The following FBN2 variants were observed in gnomAD, a reference collection of about 807,000 sequenced individuals.
FBN2 encodes fibrillin 2, also known as fibrillin-2.
A neutral mutation model predicts 355.6 loss-of-function variants in FBN2; 105 were observed. The ratio of observed to expected loss-of-function variants is 0.30; its 90% confidence interval spans 0.25 to 0.35. The LOEUF (loss-of-function observed/expected upper bound fraction) is 0.35, where lower values mean the gene tolerates loss of function less well. Among genes scored for constraint, FBN2 ranks in the 10% least tolerant of loss-of-function variants. The probability of loss-of-function intolerance (pLI) is 1.00; values close to 1 mark genes in which losing one functional copy is unlikely to be tolerated. For missense variants in FBN2, 3,280 were observed against 3,758.7 expected (o/e 0.87, Z 3.33); for synonymous variants, 1,350 against 1,301.2 (o/e 1.04, Z -0.81).
chr5:128,426,127 A>G (rs138232334), intron 7 of FBN2, among the ~76,000 whole-genome samples: 62 of 152,248 alleles, frequency 4.1e-4, no homozygotes, highest in African/African-American at 1.3e-3. Context: ...GGCATTCTCT[A>G]TGCAAAACGA....
chr5:128,486,389 A>C (rs1018334853), intron 5 of FBN2, among the ~76,000 whole-genome samples: 7 of 152,314 alleles, frequency 4.6e-5, no homozygotes, highest in Admixed American at 3.3e-4. Flanking sequence ...TATTTCCAGC[A>C]TATTAGTCAC....
At chr5:128,342,483 C>T (rs1225571739) in intron 25 of FBN2, among the ~76,000 whole-genome samples, 1 of 151,966 alleles carries the variant, frequency 6.6e-6, no homozygotes, top group Non-Finnish European at 1.5e-5. Flanking sequence ...TGAGACTTAC[C>T]AGCAGGAAAA....
In FBN2 at chr5:128,278,704, G is replaced by T. The variant is rs1263307630; in HGVS notation, c.7276C>A (p.Pro2426Thr). The change falls in exon 57 of 65, where the codon CCA becomes ACA. Residue 2426 changes from proline to threonine, a missense_variant. By Grantham distance (38) the Pro-to-Thr change is conservative (BLOSUM62 -1). Coordinates refer to ENST00000262464, the MANE Select transcript of FBN2 (RefSeq NM_001999.4). ...RGWGHQCELCPLPGTAQYKKI... is the reference protein window; with the variant it reads ...RGWGHQCELCTLPGTAQYKKI... ...TTGTACTGGGCAGTTCCAGGAAGTG[G>T]GCAAAGCTCGCACTGGTGGCCCCAG... 6.8e-6 allele frequency: 11 copies of T among 1,614,094 alleles called. No homozygotes were observed. The South Asian group carries it at 1.2e-4, about 18-fold the overall frequency.
chr5:128,297,873 G>T (rs1412480341), intron 48 of FBN2, among the ~76,000 whole-genome samples: 1 of 151,474 alleles, frequency 6.6e-6, no homozygotes, highest in Admixed American at 6.6e-5. Context: ...ATTTGATCCT[G>T]TCATTATGAC....
At chr5:128,453,986 G>A (rs1754321129) in intron 6 of FBN2, among the ~76,000 whole-genome samples, 1 of 150,304 alleles carries the variant, frequency 6.7e-6, no homozygotes, top group Non-Finnish European at 1.5e-5. Flanking sequence ...CTCAGAAATG[G>A]CTTGCCCCCC....
intron 16 of FBN2, among the ~76,000 whole-genome samples, chr5:128,368,546 A>C (rs1751845388): frequency 6.7e-6 from 1 of 149,830 alleles, no homozygotes; most frequent in Non-Finnish European, 1.5e-5. Flanking sequence ...ATAACCTTGA[A>C]AGTGGTAAGT....
chr5:128,519,610 G>T (rs1756375584), intron 4 of FBN2, among the ~76,000 whole-genome samples: 1 of 151,804 alleles, frequency 6.6e-6, no homozygotes, highest in Non-Finnish European at 1.5e-5. Context: ...GCAAGTGTTT[G>T]GTAAAAGGTT....
chr5:128,537,707 C>T lies in FBN2; in HGVS notation c.-104G>A. On this transcript the variant is annotated 5_prime_UTR_variant, in exon 1 of 65. Coordinates refer to ENST00000262464, the MANE Select transcript of FBN2 (RefSeq NM_001999.4). ...AGTCAGGGTCTAATAAGCCCTTCGT[C>T]GGCTCCGGGGACTCCCTCGGGCTCG... 3 of 1,183,858 alleles carry T rather than the reference C, an allele frequency of 2.5e-6. No homozygotes were observed. Among genetic ancestry groups the T allele is most frequent in the Non-Finnish European group, 3.6e-6 (3 of 825,600 alleles). 73.3% of individuals were successfully genotyped at this position (1,183,858 alleles called of 1,614,324 possible).
chr5:128,486,840 C>T (rs1298755174), intron 5 of FBN2, among the ~76,000 whole-genome samples: 3 of 152,000 alleles, frequency 2.0e-5, no homozygotes, highest in African/African-American at 4.8e-5. Context: ...TTGTTTAATT[C>T]CCACCTATGA....
At chr5:128,321,327 G>A (rs1581214350) in intron 34 of FBN2, among the ~76,000 whole-genome samples, 1 of 152,126 alleles carries the variant, frequency 6.6e-6, no homozygotes, top group Non-Finnish European at 1.5e-5. Context: ...TAAGTTCTGG[G>A]ATACATGTAC....
At chr5:128,460,175 A>C (rs1275923959) in intron 6 of FBN2, among the ~76,000 whole-genome samples, 1 of 149,686 alleles carries the variant, frequency 6.7e-6, no homozygotes, top group African/African-American at 2.6e-5. Flanking sequence ...ATAATAGACA[A>C]ACAGAGAGTC....
rs528799542 is a variant in FBN2 at position 128,265,572 on chromosome 5, A to G, written c.7961-1916T>C. Among the ~76,000 whole-genome samples, 8 of 152,326 alleles carry G rather than the reference A, an allele frequency of 5.3e-5. No homozygotes were observed. In the South Asian group the frequency reaches 1.7e-3, roughly 32 times the overall value. On this transcript the variant is annotated intron_variant, in intron 62 of 64. Coordinates refer to ENST00000262464, the MANE Select transcript of FBN2 (RefSeq NM_001999.4). The stretch of plus-strand genomic sequence containing the variant: ...GCTACAGAAGCAACTGGAAGTTACT[A>G]AAACACAAAGTCTTCATATATGAAG...
intron 44 of FBN2, 88 bp from the exon 45 acceptor site, chr5:128,305,170 T>C (rs1749834040): frequency 1.8e-6 from 2 of 1,100,804 alleles, no homozygotes; most frequent in African/African-American, 1.6e-5. Context: ...TAATCTGCTA[T>C]TAATTATTAT....
chr5:128,288,646 T>C, intron 52 of FBN2, 89 bp from the exon 53 acceptor site: 2 of 1,470,268 alleles, frequency 1.4e-6, no homozygotes, highest in Non-Finnish European at 1.9e-6. Context: ...CCTCACCCAT[T>C]TCCAGGATCT....
At chr5:128,310,516 G>A (rs1456012288) in intron 39 of FBN2, among the ~76,000 whole-genome samples, 5 of 151,432 alleles carry the variant, frequency 3.3e-5, no homozygotes, top group African/African-American at 1.2e-4. Flanking sequence ...TAAAGTGAAT[G>A]CAGGTTGGGA....
intron 36 of FBN2, among the ~76,000 whole-genome samples, chr5:128,313,721 C>T (rs566639226): frequency 3.2e-4 from 49 of 151,824 alleles, no homozygotes; most frequent in African/African-American, 1.0e-3. Context: ...AGCATGGTGG[C>T]GGGCACCTGT....
At chr5:128,384,566 C>CTGTAACTCCTATGATATAAGGTGTTAT (rs1331466802) in intron 11 of FBN2, among the ~76,000 whole-genome samples, 2 of 152,030 alleles carry the variant, frequency 1.3e-5, no homozygotes, top group Non-Finnish European at 2.9e-5. Flanking sequence ...TTTTAGGAGT[C>CTGTAACTCCTATGATATAAGGTGTTAT]ATGAACACCT....
At chr5:128,378,730 T>C (rs1367692297) in intron 12 of FBN2, 41 bp downstream of exon 12, 1 of 1,610,848 alleles carries the variant, frequency 6.2e-7, no homozygotes, top group African/African-American at 1.3e-5. Context: ...GGTCACTATA[T>C]TTCATGGAAC....
At chr5:128,537,044 G>T (rs1053914296) in intron 1 of FBN2, among the ~76,000 whole-genome samples, 1 of 152,040 alleles carries the variant, frequency 6.6e-6, no homozygotes, top group Non-Finnish European at 1.5e-5. Flanking sequence ...CCCGCCTGCC[G>T]CCGGACATTC....
Sources: allele counts gnomAD v4.1 joint callset (sites outside exome capture counted in the v4.1 genomes callset), GRCh38; gene constraint gnomAD v4.1.1; transcripts MANE v1.5; gene names NCBI Gene and HGNC (gene_info 2026-07-23, HGNC 2026-07-21).